ST8SIA5: variants seen among roughly 807,000 people sequenced by gnomAD.
The protein encoded by ST8SIA5 is ST8 alpha-N-acetyl-neuraminide alpha-2,8-sialyltransferase 5, also known as alpha-2,8-sialyltransferase 8E.
Under a neutral mutation model 40.2 loss-of-function variants are expected in ST8SIA5, and 24 were observed. The ratio of observed to expected loss-of-function variants is 0.60; its 90% CI spans 0.43 to 0.84. The LOEUF (loss-of-function observed/expected upper bound fraction) is 0.84. Ranked by LOEUF, ST8SIA5 falls within the 40% of genes least tolerant of loss-of-function variation. The pLI is 0.00. For synonymous variants in ST8SIA5, 198 were observed against 201.8 expected, an observed-to-expected ratio of 0.98 and a Z score of 0.16; for missense variants, 465 against 498.5, an observed-to-expected ratio of 0.93 and a Z score of 0.64.
chr18:46,730,006 A>T (rs1181118022), intron 1 of ST8SIA5, among the ~76,000 whole-genome samples: 2 of 152,206 alleles, frequency 1.3e-5, no homozygotes, highest in African/African-American at 4.8e-5. Context: ...AATAGCTCCA[A>T]TGCTAAACAG....
intron 1 of ST8SIA5, among the ~76,000 whole-genome samples, chr18:46,755,505 C>G (rs956800383): frequency 6.6e-6 from 1 of 152,092 alleles, no homozygotes; most frequent in Non-Finnish European, 1.5e-5. Flanking sequence ...CAAGAACCTC[C>G]CCTAATCTCT....
chr18:46,726,898 C>T (rs9949646), intron 1 of ST8SIA5, among the ~76,000 whole-genome samples: 2 of 151,668 alleles, frequency 1.3e-5, no homozygotes, highest in African/African-American at 4.8e-5. Flanking sequence ...GCAAACAGAG[C>T]GAGACTCCAT....
intron 1 of ST8SIA5, among the ~76,000 whole-genome samples, chr18:46,711,420 G>A (rs1237061850): frequency 1.3e-5 from 2 of 152,308 alleles, no homozygotes; most frequent in South Asian, 2.1e-4. Context: ...AGTAAATGGT[G>A]GCACTGGAAA....
Position 46,701,130 on chromosome 18 carries a change from C to CTTTTT in ST8SIA5, c.224+3437_224+3441dup, listed in dbSNP as rs755571106. On this transcript the variant is annotated intron_variant, in intron 2 of 6. Transcript: ENST00000315087. ...ATGAAACCGTATTTGGAGATAGGGC[C>CTTTTT]TTTTTTTTTTTTTTTTTTTTTTTTT... Among the ~76,000 whole-genome samples the CTTTTT allele has an allele frequency of 4.6e-3, 209 of 45,820 alleles. 31 individuals are homozygous for CTTTTT. Among genetic ancestry groups the CTTTTT allele is most frequent in the African/African-American group, 0.013 (148 of 11,754 alleles). The allele number at this position is 45,820 out of a possible 152,430, so 30.1% of individuals were successfully genotyped here.
intron 3 of ST8SIA5, among the ~76,000 whole-genome samples, chr18:46,690,088 T>G (rs558513682): frequency 6.6e-6 from 1 of 152,276 alleles, no homozygotes; most frequent in South Asian, 2.1e-4. Flanking sequence ...GCCTTTTAGC[T>G]TTGCTAGTTC....
intron 5 of ST8SIA5, 36 bp from the exon 6 acceptor site, chr18:46,682,100 C>T: frequency 6.8e-7 from 1 of 1,463,720 alleles, no homozygotes; most frequent in Non-Finnish European, 9.3e-7. Context: ...GGTGGTTGGT[C>T]ATTCAATAGG....
chr18:46,725,564 G>C (rs2039909502), intron 1 of ST8SIA5, among the ~76,000 whole-genome samples: 1 of 152,050 alleles, frequency 6.6e-6, no homozygotes, highest in Non-Finnish European at 1.5e-5. Flanking sequence ...GTTACAAAAG[G>C]AGATACCCAA....
intron 6 of ST8SIA5, among the ~76,000 whole-genome samples, chr18:46,680,880 C>T (rs1453864840): frequency 6.6e-6 from 1 of 152,202 alleles, no homozygotes; most frequent in Non-Finnish European, 1.5e-5. Context: ...TACTGTCATC[C>T]CCAAGCTCCC....
At chr18:46,749,215 A>G (rs2040172313) in intron 1 of ST8SIA5, among the ~76,000 whole-genome samples, 2 of 152,240 alleles carry the variant, frequency 1.3e-5, no homozygotes, top group East Asian at 3.9e-4. Flanking sequence ...ACTAGGAGGG[A>G]TAGGGGTCTG....
intron 2 of ST8SIA5, among the ~76,000 whole-genome samples, chr18:46,694,090 A>T (rs1447966437): frequency 6.6e-6 from 1 of 152,168 alleles, no homozygotes; most frequent in Non-Finnish European, 1.5e-5. Flanking sequence ...GAGTCATGAG[A>T]TCCAGAAAGA....
rs1348127818 is a variant in ST8SIA5, at chr18:46,675,600, T to C, written c.*4442A>G. The C allele has an allele frequency of 6.6e-6, 1 of 152,060 alleles. No individual in the cohort carries two copies. The highest frequency in any genetic ancestry group is 1.5e-5 in the Non-Finnish European group (1 of 68,026). 9.4% of individuals were successfully genotyped at this position (152,060 alleles called of 1,614,324 possible). A position where few individuals can be genotyped will look rare whatever the true frequency, so the allele number is the denominator to read the frequency against. ...GAAGATACTTAAGGCTTTGAATAGA[T>C]GAGATTTCTGCAGGAATGCTCCTAG... On this transcript the variant is annotated 3_prime_UTR_variant, in exon 7 of 7. Transcript: ENST00000315087.
chr18:46,719,682 T>TTTTCTTTC (rs56825204), intron 1 of ST8SIA5, among the ~76,000 whole-genome samples: 2,851 of 107,136 alleles, frequency 0.027, 84 homozygotes, highest in African/African-American at 0.054. Context: ...TTCTTTTCTT[T>TTTTCTTTC]TTTCTTTCTT....
Position 46,725,972 on chromosome 18 carries a change from A to AAAAAAATATATAT in ST8SIA5, c.132-21309_132-21308insATATATATTTTTT, listed in dbSNP as rs59660372. On this transcript the variant is annotated intron_variant, in intron 1 of 6. Coordinates refer to ENST00000315087, the MANE Select transcript of ST8SIA5 (RefSeq NM_013305.6). ...CCCATCTCTACTTAAAAAAAAAAAA[A>AAAAAAATATATAT]ATATATATATATATATATATATATA... Among the ~76,000 whole-genome samples, 46 of 29,074 alleles carry AAAAAAATATATAT rather than the reference A, an allele frequency of 1.6e-3. 2 individuals carry two copies. Among genetic ancestry groups the AAAAAAATATATAT allele is most frequent in the African/African-American group, 2.1e-3 (14 of 6,658 alleles). 19.1% of individuals were successfully genotyped at this position (29,074 alleles called of 152,430 possible).
At chr18:46,736,075 T>C (rs2040031000) in intron 1 of ST8SIA5, among the ~76,000 whole-genome samples, 1 of 152,202 alleles carries the variant, frequency 6.6e-6, no homozygotes, top group Admixed American at 6.5e-5. Context: ...TTCAATAATA[T>C]ACTTATTCTA....
intron 2 of ST8SIA5, among the ~76,000 whole-genome samples, chr18:46,694,993 C>A (rs1356830563): frequency 6.6e-6 from 1 of 151,850 alleles, no homozygotes; most frequent in Non-Finnish European, 1.5e-5. Context: ...ACCCTGTCTC[C>A]ACTAAAAATA....
chr18:46,683,465 G>T (rs11872859), intron 5 of ST8SIA5, among the ~76,000 whole-genome samples: 12,292 of 152,108 alleles, frequency 0.081, 633 homozygotes, highest in East Asian at 0.15. Flanking sequence ...GAAGCACCCA[G>T]GAGTGACTGT....
intron 3 of ST8SIA5, 156 bp from the exon 4 acceptor site, chr18:46,689,075 C>T (rs2039477252): frequency 1.2e-6 from 1 of 817,408 alleles, no homozygotes; most frequent in South Asian, 2.0e-5. Flanking sequence ...CGAGGCCTCT[C>T]CTGCCCACCC....
chr18:46,703,536 G>A (rs2039639098), intron 2 of ST8SIA5, among the ~76,000 whole-genome samples: 1 of 152,138 alleles, frequency 6.6e-6, no homozygotes, highest in Non-Finnish European at 1.5e-5. Context: ...CCAAGGCCCA[G>A]AGTCAGCTTT....
chr18:46,680,975 G>A (rs1376111488), intron 6 of ST8SIA5, among the ~76,000 whole-genome samples: 1 of 150,478 alleles, frequency 6.6e-6, no homozygotes, highest in African/African-American at 2.4e-5. Flanking sequence ...ACACACTAGT[G>A]TGTTGTTATT....
Sources: allele counts gnomAD v4.1 joint callset (sites outside exome capture counted in the v4.1 genomes callset), GRCh38; gene constraint gnomAD v4.1.1; transcripts MANE v1.5; gene names NCBI Gene and HGNC (gene_info 2026-07-23, HGNC 2026-07-21).